LRRC28: variants seen among roughly 807,000 people sequenced by gnomAD.
LRRC28 encodes leucine-rich repeat-containing protein 28.
Under a neutral mutation model 45.7 loss-of-function variants are expected in LRRC28, and 39 were observed. The ratio of observed to expected loss-of-function variants is 0.85; its 90% CI spans 0.66 to 1.12. The LOEUF is 1.12. LRRC28 is among the 50% of genes most tolerant of loss of function. The pLI is 0.00. For missense variants in LRRC28, 435 were observed against 438.5 expected (o/e 0.99, Z 0.07); for synonymous variants, 206 against 178.8 (o/e 1.15, Z -1.22).
At chr15:99,308,558 A>G (rs1021924237) in intron 5 of LRRC28, among the ~76,000 whole-genome samples, 4 of 152,086 alleles carry the variant, frequency 2.6e-5, no homozygotes, top group Non-Finnish European at 4.4e-5. Context: ...TGTAGTCCCA[A>G]CTGCTTCGGA....
intron 5 of LRRC28, among the ~76,000 whole-genome samples, chr15:99,288,593 G>A (rs531340030): frequency 1.3e-5 from 2 of 151,954 alleles, no homozygotes; most frequent in East Asian, 3.9e-4. Flanking sequence ...TGTTGCCCAG[G>A]GTGGTTTCAA....
intron 5 of LRRC28, among the ~76,000 whole-genome samples, chr15:99,292,235 A>C (rs1339061036): frequency 6.6e-6 from 1 of 152,190 alleles, no homozygotes; most frequent in South Asian, 2.1e-4. Context: ...CTGGAAGCCT[A>C]GTGTACATTG....
intron 9 of LRRC28, among the ~76,000 whole-genome samples, chr15:99,385,043 G>A (rs1194460471): frequency 6.6e-6 from 1 of 152,208 alleles, no homozygotes; most frequent in Non-Finnish European, 1.5e-5. Context: ...TAATCCTTGG[G>A]CCTGAAGGGC....
chr15:99,355,544 T>A (rs1047586614), intron 7 of LRRC28: 15 of 152,314 alleles, frequency 9.8e-5, no homozygotes, highest in African/African-American at 3.6e-4. Context: ...AAAAGAATGA[T>A]CTTTATTTTT....
In LRRC28 at chr15:99,352,353, T is replaced by G. The variant is rs766962685; in HGVS notation, c.593-16T>G. On this transcript the variant is annotated splice_polypyrimidine_tract_variant and intron_variant, in intron 6 of 9. Coordinates refer to ENST00000301981, the MANE Select transcript of LRRC28 (RefSeq NM_144598.5). Reference sequence around the variant, plus strand: ...GCCTGTATATAGGAATTACAGCACTTTTCTTTCTAATCCAGATTTAGGTCG... The same window carrying G: ...GCCTGTATATAGGAATTACAGCACTGTTCTTTCTAATCCAGATTTAGGTCG... 1 of 1,583,262 alleles carries G rather than the reference T, an allele frequency of 6.3e-7. No homozygotes were observed. Among genetic ancestry groups the G allele is most frequent in the African/African-American group, 1.3e-5 (1 of 74,278 alleles).
chr15:99,260,257 T>C (rs1429637607), intron 2 of LRRC28, among the ~76,000 whole-genome samples: 2 of 152,204 alleles, frequency 1.3e-5, no homozygotes, highest in Non-Finnish European at 2.9e-5. Flanking sequence ...AATCTTGTCA[T>C]GTATAAAAAT....
chr15:99,330,825 A>C (rs1272836212), intron 5 of LRRC28, among the ~76,000 whole-genome samples: 1 of 151,990 alleles, frequency 6.6e-6, no homozygotes, highest in Admixed American at 6.6e-5. Flanking sequence ...TTTTCATGTT[A>C]GATAAATATT....
intron 3 of LRRC28, among the ~76,000 whole-genome samples, chr15:99,276,995 A>T (rs1478670223): frequency 2.0e-5 from 3 of 152,182 alleles, no homozygotes; most frequent in Non-Finnish European, 4.4e-5. Context: ...AATGTACAGT[A>T]AAAGTCTCTT....
At chr15:99,276,471 C>T in intron 2 of LRRC28, 105 bp from the exon 3 acceptor site, 1 of 803,620 alleles carries the variant, frequency 1.2e-6, no homozygotes, top group Admixed American at 3.4e-5. Context: ...CACATTTTCT[C>T]AAAATTTACA....
At chr15:99,267,666 TGTG>T (rs1276228858) in intron 2 of LRRC28, among the ~76,000 whole-genome samples, 3 of 152,364 alleles carry the variant, frequency 2.0e-5, no homozygotes, top group South Asian at 2.1e-4. Flanking sequence ...TGTAAGTAAA[TGTG>T]GTACAGTTCT....
intron 3 of LRRC28, among the ~76,000 whole-genome samples, chr15:99,277,799 G>A (rs2081658992): frequency 1.3e-5 from 2 of 152,036 alleles, no homozygotes; most frequent in African/African-American, 4.8e-5. Context: ...AAATAAGTAT[G>A]TATTTCTAGG....
intron 6 of LRRC28, among the ~76,000 whole-genome samples, chr15:99,350,386 C>T (rs1294469814): frequency 1.3e-5 from 2 of 152,138 alleles, no homozygotes; most frequent in African/African-American, 4.8e-5. Context: ...ACCCACCCTA[C>T]CCTCTCCCAC....
intron 1 of LRRC28, among the ~76,000 whole-genome samples, chr15:99,253,119 G>A (rs564480568): frequency 8.3e-6 from 1 of 119,820 alleles, no homozygotes; most frequent in Non-Finnish European, 1.7e-5. Context: ...TTGGGATAGG[G>A]AAGTGATTTT....
At chr15:99,358,024 T>C (rs28736849) in intron 7 of LRRC28, among the ~76,000 whole-genome samples, 22,682 of 152,128 alleles carry the variant, frequency 0.15, 1,817 homozygotes, top group East Asian at 0.31. Context: ...GAAAGACCTT[T>C]ATAGGTGATA....
intron 2 of LRRC28, chr15:99,258,006 A>G: frequency 1.0e-6 from 1 of 957,952 alleles, no homozygotes; most frequent in Non-Finnish European, 1.7e-6. Flanking sequence ...CTTTCTGGAA[A>G]TGAGGAACTA....
intron 1 of LRRC28, among the ~76,000 whole-genome samples, chr15:99,253,663 G>C (rs2080931740): frequency 6.6e-6 from 1 of 152,242 alleles, no homozygotes; most frequent in Admixed American, 6.5e-5. Flanking sequence ...TATTTAGTAA[G>C]ATGTGTACCG....
In LRRC28 at chr15:99,352,427, A is replaced by G. The variant is rs202245431; in HGVS notation, c.651A>G (p.Lys217=). ...ACGTGGATAACAACATTCACCTGAA[A>G]GGCTTGCCATCTTATCTGTACAATA... ...YVYVDNNIHL[K]GLPSYLYNKV... is the part of the protein sequence containing the mutation. The change falls in exon 7 of 10, where the codon AAA becomes AAG. Residue 217 remains lysine (K), a synonymous_variant. Transcript: ENST00000301981. 1 of 1,614,124 alleles carries G rather than the reference A, an allele frequency of 6.2e-7. No individual in the cohort carries two copies. Among genetic ancestry groups the G allele is most frequent in the South Asian group, 1.1e-5 (1 of 91,082 alleles).
rs548856893 is a variant in LRRC28 at position 99,329,943 on chromosome 15, T to C, written c.386-3980T>C. ...TATACCCATGCACCTATGATTAATA[T>C]ATCTGAGTGTTTATGCTTGCAAAAA... is the stretch of plus-strand genomic sequence containing the variant. On this transcript the variant is annotated intron_variant, in intron 5 of 9. Coordinates refer to ENST00000301981, the MANE Select transcript of LRRC28 (RefSeq NM_144598.5). Among the ~76,000 whole-genome samples, 27 of 152,366 alleles carry C rather than the reference T, an allele frequency of 1.8e-4. No homozygotes were observed. The South Asian group carries it at 5.6e-3, about 32-fold the overall frequency.
chr15:99,333,073 TGTAATGTGCTGACCTGGGAAACA>T (rs1956209995), intron 5 of LRRC28, among the ~76,000 whole-genome samples: 2 of 152,190 alleles, frequency 1.3e-5, no homozygotes, highest in Admixed American at 6.5e-5. Context: ...AGGTCTTCAG[TGTAATGTGCTGACCTGGGAAACA>T]GTAAATGTCC....
Sources: allele counts gnomAD v4.1 joint callset (sites outside exome capture counted in the v4.1 genomes callset), GRCh38; gene constraint gnomAD v4.1.1; transcripts MANE v1.5; gene names NCBI Gene and HGNC (gene_info 2026-07-23, HGNC 2026-07-21).